CHSY3: variants seen among roughly 807,000 people sequenced by gnomAD.
CHSY3 encodes N-acetylgalactosaminyl-proteoglycan 3-beta-glucuronosyltransferase 3.
A neutral mutation model predicts 67.2 loss-of-function variants in CHSY3; 35 were observed. The observed-to-expected ratio is 0.52, with a 90% CI of 0.40 to 0.69. The LOEUF is 0.69. CHSY3 is among the 30% of genes least tolerant of loss of function. The probability of loss-of-function intolerance (pLI) is 0.00; values close to 1 mark genes in which losing one functional copy is unlikely to be tolerated. For missense variants in CHSY3, 1,069 were observed against 1,138.5 expected (o/e 0.94, Z 0.88); for synonymous variants, 474 against 434.7 (o/e 1.09, Z -1.12).
intron 2 of CHSY3, among the ~76,000 whole-genome samples, chr5:130,158,354 T>C (rs1295203698): frequency 2.0e-5 from 3 of 152,124 alleles, no homozygotes; most frequent in African/African-American, 7.2e-5. Flanking sequence ...ATTTCAACTC[T>C]ACCATTGCAC....
At chr5:130,097,803 G>A (rs1377358827) in intron 2 of CHSY3, among the ~76,000 whole-genome samples, 1 of 152,064 alleles carries the variant, frequency 6.6e-6, no homozygotes, top group African/African-American at 2.4e-5. Flanking sequence ...GGAAATGGTA[G>A]CCATCCTGGC....
chr5:130,143,762 G>A (rs1483860129), intron 2 of CHSY3, among the ~76,000 whole-genome samples: 26 of 97,864 alleles, frequency 2.7e-4, no homozygotes, highest in Admixed American at 1.2e-3. Context: ...ATATATGTGT[G>A]TGTGTGTATA....
At chr5:130,104,487 G>A (rs992760145) in intron 2 of CHSY3, among the ~76,000 whole-genome samples, 1 of 151,764 alleles carries the variant, frequency 6.6e-6, no homozygotes, top group Non-Finnish European at 1.5e-5. Flanking sequence ...GTTCAGAGTT[G>A]GGGGGAAGAG....
chr5:130,001,780 A>T (rs1763734033), intron 2 of CHSY3: 1 of 832,276 alleles, frequency 1.2e-6, no homozygotes, highest in South Asian at 5.5e-5. Flanking sequence ...GCCCTCGCTG[A>T]TAGTTTCCTG....
At chr5:130,056,767 G>A (rs1467294197) in intron 2 of CHSY3, among the ~76,000 whole-genome samples, 1 of 151,858 alleles carries the variant, frequency 6.6e-6, no homozygotes, top group Admixed American at 6.6e-5. Flanking sequence ...AACTGTATTG[G>A]GACTCAATGT....
intron 2 of CHSY3, among the ~76,000 whole-genome samples, chr5:129,971,301 T>C (rs560920540): frequency 6.6e-6 from 1 of 151,940 alleles, no homozygotes; most frequent in South Asian, 2.1e-4. Context: ...TAAATTATTT[T>C]AAGACAGATG....
intron 2 of CHSY3, among the ~76,000 whole-genome samples, chr5:130,003,771 G>A (rs1240366607): frequency 1.3e-5 from 2 of 152,080 alleles, no homozygotes; most frequent in East Asian, 3.9e-4. Context: ...CTGTTATGAG[G>A]GCATTGAAGT....
chr5:130,055,662 C>A (rs558539157), intron 2 of CHSY3, among the ~76,000 whole-genome samples: 8 of 152,062 alleles, frequency 5.3e-5, no homozygotes, highest in African/African-American at 7.2e-5. Context: ...CTCTATACAT[C>A]CCAAAGATTA....
chr5:130,004,271 C>T (rs543306385), intron 2 of CHSY3, among the ~76,000 whole-genome samples: 2 of 152,156 alleles, frequency 1.3e-5, no homozygotes, highest in Non-Finnish European at 2.9e-5. Flanking sequence ...AACTGAACCA[C>T]GCAACATAAA....
chr5:129,965,832 G>A (rs930919845), intron 2 of CHSY3, among the ~76,000 whole-genome samples: 11 of 151,878 alleles, frequency 7.2e-5, no homozygotes, highest in African/African-American at 2.7e-4. Flanking sequence ...TGGTTGATCA[G>A]CTATTTGCCT....
rs562431744 is a variant in CHSY3, at chr5:130,070,921, A to T, written c.1087-113308A>T. On this transcript the variant is annotated intron_variant, in intron 2 of 2. Coordinates refer to ENST00000305031, the MANE Select transcript of CHSY3 (RefSeq NM_175856.5). Reference sequence around the variant, plus strand: ...TTCAGAAAGATTGGAAGTCATTTTTATGTTCCTTTTTATTTGTAGAGAGAA... The same window carrying T: ...TTCAGAAAGATTGGAAGTCATTTTTTTGTTCCTTTTTATTTGTAGAGAGAA... Among the ~76,000 whole-genome samples the T allele has an allele frequency of 2.0e-5, 3 of 152,158 alleles. No homozygotes were observed. In the East Asian group the frequency reaches 5.8e-4, roughly 29 times the overall value.
chr5:130,179,809 A>G (rs1358805843), intron 2 of CHSY3, among the ~76,000 whole-genome samples: 2 of 151,870 alleles, frequency 1.3e-5, no homozygotes, highest in Admixed American at 1.3e-4. Flanking sequence ...AAAAAATTAC[A>G]TTTTTCCTGG....
chr5:130,053,464 G>A (rs1354813974), intron 2 of CHSY3, among the ~76,000 whole-genome samples: 13 of 152,134 alleles, frequency 8.5e-5, no homozygotes, highest in Non-Finnish European at 8.8e-5. Flanking sequence ...GCATCCGTTA[G>A]TAATGATGGT....
chr5:130,086,170 A>G (rs533457126), intron 2 of CHSY3, among the ~76,000 whole-genome samples: 3,841 of 151,758 alleles, frequency 0.025, 156 homozygotes, highest in African/African-American at 0.087. Context: ...ATCCTTGTTA[A>G]CTTTCTGTCT....
chr5:130,077,969 A>T (rs1163038922), intron 2 of CHSY3, among the ~76,000 whole-genome samples: 1 of 152,096 alleles, frequency 6.6e-6, no homozygotes, highest in Non-Finnish European at 1.5e-5. Context: ...ACTAACACCT[A>T]TTGAGCACTT....
chr5:130,087,837 T>A (rs957774333), intron 2 of CHSY3, among the ~76,000 whole-genome samples: 2 of 151,334 alleles, frequency 1.3e-5, no homozygotes, highest in African/African-American at 4.9e-5. Context: ...AAGCTACCAA[T>A]GACTTTCTTC....
intron 2 of CHSY3, among the ~76,000 whole-genome samples, chr5:130,009,023 A>G (rs1763967711): frequency 2.2e-5 from 1 of 44,530 alleles, no homozygotes; most frequent in Non-Finnish European, 3.9e-5. Flanking sequence ...AGAGAGAGAA[A>G]GCAATGTGAA....
chr5:130,044,048 T>C (rs533660146), intron 2 of CHSY3, among the ~76,000 whole-genome samples: 1 of 152,202 alleles, frequency 6.6e-6, no homozygotes, highest in South Asian at 2.1e-4. Context: ...AGATCAGAGT[T>C]GGAAATACAT....
At chr5:130,161,056 C>T (rs561641680) in intron 2 of CHSY3, among the ~76,000 whole-genome samples, 169 of 151,946 alleles carry the variant, frequency 1.1e-3, no homozygotes, top group Non-Finnish European at 2.1e-3. Context: ...AGGCACCTAC[C>T]ACCACGCCCA....
Sources: gnomAD v4.1 joint callset for allele counts (sites outside exome capture counted in the v4.1 genomes callset) on GRCh38, gnomAD v4.1.1 for gene constraint, MANE v1.5 for transcripts, NCBI Gene and HGNC (gene_info 2026-07-23, HGNC 2026-07-21) for gene names.